Variants in CNTN4 observed in about 807,000 individuals in gnomAD.
CNTN4 encodes contactin-4.
In CNTN4, 77 loss-of-function variants were observed where a neutral mutation model predicts 122.5. That is an observed-to-expected ratio of 0.63 (90% confidence interval 0.52 to 0.76). CNTN4 has a LOEUF of 0.76. Ranked by LOEUF, CNTN4 falls within the 30% of genes least tolerant of loss-of-function variation. CNTN4 has a pLI of 0.00. For missense variants in CNTN4, 1,256 were observed against 1,259.1 expected (o/e 1.00, Z 0.04); for synonymous variants, 512 against 447.0 (o/e 1.15, Z -1.83).
At chr3:2,986,474 C>T (rs992141390) in intron 13 of CNTN4, among the ~76,000 whole-genome samples, 2 of 152,216 alleles carry the variant, frequency 1.3e-5, no homozygotes, top group Non-Finnish European at 2.9e-5. Context: ...AATTCTTCCA[C>T]CTTCATACCC....
At chr3:2,446,258 G>C (rs2048621820) in intron 3 of CNTN4, among the ~76,000 whole-genome samples, 1 of 152,156 alleles carries the variant, frequency 6.6e-6, no homozygotes, top group South Asian at 2.1e-4. Flanking sequence ...CTCTTAGAGA[G>C]AACGTGGGTT....
rs780011637 is a variant in CNTN4 at position 2,841,414 on chromosome 3, T to C, written c.454+21833T>C. Among the ~76,000 whole-genome samples the C allele has an allele frequency of 5.3e-5, 8 of 152,218 alleles. No homozygotes were observed. The highest frequency in any genetic ancestry group is 1.0e-4 in the Non-Finnish European group (7 of 68,038). ...TCACAACTGAGAAAAGGTAATGTGG[T>C]ACATTTACAAATAAAAGAGGATTAG... On this transcript the variant is annotated intron_variant, in intron 7 of 24. Coordinates refer to ENST00000418658, the MANE Select transcript of CNTN4 (RefSeq NM_175607.3). This position sits in a 1 kb window ranked among gnomAD's most constrained non-coding sequence, Gnocchi z 4.8.
At chr3:2,520,867 A>T (rs890535089) in intron 3 of CNTN4, among the ~76,000 whole-genome samples, 8 of 152,124 alleles carry the variant, frequency 5.3e-5, no homozygotes, top group African/African-American at 1.9e-4. Flanking sequence ...TATATTTATT[A>T]ATTCATTTAA....
intron 6 of CNTN4, among the ~76,000 whole-genome samples, chr3:2,784,371 C>A (rs376292939): frequency 6.6e-6 from 1 of 152,142 alleles, no homozygotes; most frequent in East Asian, 1.9e-4. Flanking sequence ...TTGTTTATTG[C>A]GCACCTCCAC....
intron 4 of CNTN4, among the ~76,000 whole-genome samples, chr3:2,624,013 C>G (rs1048917700): frequency 4.4e-4 from 67 of 152,218 alleles, no homozygotes; most frequent in African/African-American, 1.6e-3. Context: ...GGCTTTACCA[C>G]TACCAGAAGT....
intron 4 of CNTN4, among the ~76,000 whole-genome samples, chr3:2,634,368 T>C (rs2082566015): frequency 1.3e-5 from 2 of 152,330 alleles, no homozygotes; most frequent in East Asian, 1.9e-4. Flanking sequence ...TTGTTTAATA[T>C]AGCAAATAAG....
At chr3:2,400,159 AAG>A (rs2046785560) in intron 3 of CNTN4, among the ~76,000 whole-genome samples, 1 of 151,782 alleles carries the variant, frequency 6.6e-6, no homozygotes, top group Non-Finnish European at 1.5e-5. Context: ...TCTCATCTTC[AAG>A]AGCTAGCTCA....
chr3:2,898,539 C>G (rs1396620479), intron 10 of CNTN4, among the ~76,000 whole-genome samples: 1 of 152,188 alleles, frequency 6.6e-6, no homozygotes, highest in Non-Finnish European at 1.5e-5. Flanking sequence ...CCTTCTCTGC[C>G]TCACCTGCTT....
intron 4 of CNTN4, among the ~76,000 whole-genome samples, chr3:2,648,264 C>T (rs1485886610): frequency 6.6e-6 from 1 of 152,142 alleles, no homozygotes; most frequent in Non-Finnish European, 1.5e-5. Context: ...AAATGAGCAT[C>T]CTATTACTGG....
rs747326741 is a variant in CNTN4 at position 2,340,710 on chromosome 3, T to TAGAGAG, written c.-89+1502_-89+1507dup. Among the ~76,000 whole-genome samples the TAGAGAG allele has an allele frequency of 3.4e-3, 63 of 18,292 alleles. 2 individuals carry two copies. The highest frequency in any genetic ancestry group is 5.2e-3 in the African/African-American group (52 of 9,970). The allele number at this position is 18,292 out of a possible 152,430, so 12.0% of individuals were successfully genotyped here. ...TTATATATATATATATATATATATA[T>TAGAGAG]AGAGAGAGAGAGAGAGAGAGAGAGA... On this transcript the variant is annotated intron_variant, in intron 3 of 24. Coordinates refer to ENST00000418658, the MANE Select transcript of CNTN4 (RefSeq NM_175607.3).
chr3:2,596,555 T>C (rs563651956), intron 4 of CNTN4, among the ~76,000 whole-genome samples: 36 of 152,084 alleles, frequency 2.4e-4, no homozygotes, highest in Admixed American at 5.2e-4. Flanking sequence ...CATACATATA[T>C]AATAGATAAT....
chr3:2,606,239 C>CAATA (rs1341258027), intron 4 of CNTN4, among the ~76,000 whole-genome samples: 2 of 151,972 alleles, frequency 1.3e-5, no homozygotes, highest in African/African-American at 4.8e-5. Context: ...GATTCCTTGG[C>CAATA]AATAAGAAGT....
chr3:2,831,092 A>G (rs1161333295), intron 7 of CNTN4, among the ~76,000 whole-genome samples: 1 of 152,254 alleles, frequency 6.6e-6, no homozygotes, highest in East Asian at 1.9e-4. Flanking sequence ...TAGGAACAAA[A>G]TAACTGGAAA....
chr3:2,902,603 TA>T (rs1163517683), intron 11 of CNTN4, among the ~76,000 whole-genome samples: 3 of 152,324 alleles, frequency 2.0e-5, no homozygotes, highest in Admixed American at 6.5e-5. Flanking sequence ...TTAGAGAGGA[TA>T]TTAATCTGAA....
At chr3:2,284,301 G>T (rs1413587011) in intron 2 of CNTN4, among the ~76,000 whole-genome samples, 1 of 152,092 alleles carries the variant, frequency 6.6e-6, no homozygotes, top group East Asian at 1.9e-4. Context: ...CTGCAAGGAT[G>T]CAAAACCAAT....
chr3:2,179,162 G>C (rs769758810), intron 2 of CNTN4, among the ~76,000 whole-genome samples: 1 of 152,020 alleles, frequency 6.6e-6, no homozygotes, highest in Non-Finnish European at 1.5e-5. Flanking sequence ...AGCTGCGCTG[G>C]TGTGGTAATT....
intron 13 of CNTN4, among the ~76,000 whole-genome samples, chr3:2,976,417 A>G (rs1160970815): frequency 6.6e-6 from 1 of 152,214 alleles, no homozygotes; most frequent in Admixed American, 6.5e-5. Flanking sequence ...CAGGTTGTTC[A>G]GCAGTTTATT....
At chr3:2,146,372 T>G in intron 2 of CNTN4, among the ~76,000 whole-genome samples, 1 of 152,056 alleles carries the variant, frequency 6.6e-6, no homozygotes, top group South Asian at 2.1e-4. Context: ...TGTAGATAGA[T>G]ATTACTATCT....
At chr3:2,953,518 C>T (rs191628508) in intron 13 of CNTN4, among the ~76,000 whole-genome samples, 3 of 152,006 alleles carry the variant, frequency 2.0e-5, no homozygotes, top group East Asian at 1.9e-4. Context: ...TAAACTGACC[C>T]GGGGCACAGT....
Sources: allele counts gnomAD v4.1 joint callset (sites outside exome capture counted in the v4.1 genomes callset), GRCh38; gene constraint gnomAD v4.1.1; non-coding constraint Gnocchi (gnomAD v3.1); transcripts MANE v1.5; gene names NCBI Gene and HGNC (gene_info 2026-07-23, HGNC 2026-07-21).